Variants in FRYL observed in about 807,000 individuals in gnomAD.
The protein encoded by FRYL is FRY like transcription coactivator.
A neutral mutation model predicts 351.2 loss-of-function variants in FRYL; 150 were observed. The observed-to-expected ratio is 0.43, with a 90% CI of 0.37 to 0.49. The LOEUF is 0.49. Ranked by LOEUF, FRYL falls within the 20% of genes least tolerant of loss-of-function variation. FRYL has a pLI of 0.00. For synonymous variants in FRYL, 1,153 were observed against 1,257.1 expected, an observed-to-expected ratio of 0.92 and a Z score of 1.75; for missense variants, 3,036 against 3,619.3, an observed-to-expected ratio of 0.84 and a Z score of 4.13.
chr4:48,560,818 TA>T (rs1215091096), intron 33 of FRYL, among the ~76,000 whole-genome samples: 1 of 152,166 alleles, frequency 6.6e-6, no homozygotes, highest in Non-Finnish European at 1.5e-5. Flanking sequence ...GGATGGGAAA[TA>T]AACTATTTCT....
chr4:48,537,733 T>C (rs958893358), intron 47 of FRYL, among the ~76,000 whole-genome samples: 3 of 152,176 alleles, frequency 2.0e-5, no homozygotes, highest in African/African-American at 7.2e-5. Flanking sequence ...GGAATTTCCA[T>C]GGCCCTACTG....
At position 48,605,791 on chromosome 4, in the gene FRYL, T is replaced by A; in HGVS notation, c.784A>T (p.Lys262Ter). ...ACAAATAAACCAGCAAGTGCATGTT[T>A]TATATCTTTATCTTTCACTTCTAAG... ...YFLEVKDKDI[K>*]HALAGLFVEI... The change falls in exon 11 of 64, where the codon AAA becomes TAA. Residue 262 changes from lysine (K) to a stop codon, truncating the protein, a stop_gained. Transcript: ENST00000358350. LOFTEE classifies it high-confidence loss of function. 1 of 1,608,630 alleles carries A rather than the reference T, an allele frequency of 6.2e-7. No individual in the cohort carries two copies. Among genetic ancestry groups the A allele is most frequent in the Non-Finnish European group, 8.5e-7 (1 of 1,175,576 alleles).
chr4:48,633,832 A>C (rs1753724669), intron 4 of FRYL, among the ~76,000 whole-genome samples: 2 of 152,128 alleles, frequency 1.3e-5, no homozygotes, highest in Non-Finnish European at 1.5e-5. Context: ...TTGTTCAACC[A>C]CCATATTATC....
chr4:48,544,343 A>G lies in FRYL; in HGVS notation c.5402-346T>C, dbSNP rs534189107. Reference sequence around the variant, plus strand: ...AGTAGTAACCCCTTGCCCCCAACCCATAACGGTGACACTGTCTCTAGACAT... The same window carrying G: ...AGTAGTAACCCCTTGCCCCCAACCCGTAACGGTGACACTGTCTCTAGACAT... On this transcript the variant is annotated intron_variant, in intron 43 of 63. Transcript: ENST00000358350. Among the ~76,000 whole-genome samples, 13 of 152,224 alleles carry G rather than the reference A, an allele frequency of 8.5e-5. No individual in the cohort carries two copies. In the South Asian group the frequency reaches 2.7e-3, roughly 32 times the overall value.
intron 4 of FRYL, among the ~76,000 whole-genome samples, chr4:48,623,383 T>A (rs1420317455): frequency 1.3e-5 from 2 of 152,166 alleles, no homozygotes; most frequent in Non-Finnish European, 2.9e-5. Flanking sequence ...GAGGCAAGGC[T>A]CTCACTGTGA....
intron 8 of FRYL, 134 bp from the exon 9 acceptor site, chr4:48,609,201 T>C (rs1747518638): frequency 1.6e-6 from 1 of 620,492 alleles, no homozygotes; most frequent in East Asian, 2.9e-5. Flanking sequence ...ATAAAAGCAA[T>C]ACTAATTTTA....
chr4:48,731,088 A>T (rs1256400443), intron 1 of FRYL, among the ~76,000 whole-genome samples: 1 of 152,216 alleles, frequency 6.6e-6, no homozygotes, highest in African/African-American at 2.4e-5. Flanking sequence ...CTGATAAAAC[A>T]GACTTTAAAC....
intron 1 of FRYL, among the ~76,000 whole-genome samples, chr4:48,732,606 A>G (rs1350130059): frequency 6.6e-6 from 1 of 152,170 alleles, no homozygotes; most frequent in East Asian, 1.9e-4. Flanking sequence ...ATAAAAAAGG[A>G]TGAGTTCATG....
intron 4 of FRYL, among the ~76,000 whole-genome samples, chr4:48,631,139 G>T (rs1752883129): frequency 6.6e-6 from 1 of 152,148 alleles, no homozygotes; most frequent in Admixed American, 6.5e-5. Context: ...TAGATAAGAA[G>T]AAATTATCTT....
At chr4:48,519,044 T>G (rs1724310970) in intron 55 of FRYL, among the ~76,000 whole-genome samples, 1 of 152,238 alleles carries the variant, frequency 6.6e-6, no homozygotes, top group Non-Finnish European at 1.5e-5. Context: ...CATCTTGGCA[T>G]CTGGTACAGT....
intron 7 of FRYL, among the ~76,000 whole-genome samples, chr4:48,612,303 C>A (rs551333105): frequency 6.6e-6 from 1 of 151,930 alleles, no homozygotes; most frequent in Non-Finnish European, 1.5e-5. Context: ...CATGTGCATT[C>A]GTAATAAACC....
At chr4:48,554,247 GA>G in intron 35 of FRYL, among the ~76,000 whole-genome samples, 1 of 152,138 alleles carries the variant, frequency 6.6e-6, no homozygotes, top group East Asian at 1.9e-4. Flanking sequence ...TCCAGAATCA[GA>G]ATGATTCGTA....
chr4:48,726,726 T>C (rs1217634111), intron 1 of FRYL, among the ~76,000 whole-genome samples: 2 of 152,118 alleles, frequency 1.3e-5, no homozygotes, highest in Non-Finnish European at 2.9e-5. Flanking sequence ...CAGATGCATT[T>C]AATTGTTGGG....
chr4:48,632,091 AATATATATATATATATATATATAT>A (rs1560753223), intron 4 of FRYL, among the ~76,000 whole-genome samples: 19 of 23,396 alleles, frequency 8.1e-4, no homozygotes, highest in East Asian at 2.0e-3. Context: ...AAAAAAAAAA[AATATATATATATATATATATATAT>A]ATATATATAT....
At chr4:48,743,356 A>C (rs1373644137) in intron 1 of FRYL, among the ~76,000 whole-genome samples, 1 of 152,158 alleles carries the variant, frequency 6.6e-6, no homozygotes, top group Non-Finnish European at 1.5e-5. Context: ...CTTAGAGATG[A>C]CTTAGCTTGT....
At chr4:48,637,263 C>T (rs1224722089) in intron 3 of FRYL, 7 of 152,014 alleles carry the variant, frequency 4.6e-5, no homozygotes, top group Admixed American at 4.6e-4. Flanking sequence ...TAACATTTTT[C>T]ATCCATCAAA....
chr4:48,685,362 T>C (rs1765042644), intron 2 of FRYL, among the ~76,000 whole-genome samples: 2 of 152,220 alleles, frequency 1.3e-5, no homozygotes, highest in Non-Finnish European at 2.9e-5. Context: ...ATTGTGACCA[T>C]ATCTCTTAAA....
chr4:48,567,289 T>C lies in FRYL; in HGVS notation c.3128A>G (p.His1043Arg). 2 of 1,612,030 alleles carry C rather than the reference T, an allele frequency of 1.2e-6. No homozygotes were observed. Among genetic ancestry groups the C allele is most frequent in the Non-Finnish European group, 1.7e-6 (2 of 1,179,400 alleles). Residue 1043 changes from histidine (H) to arginine (R), a missense_variant, in exon 28 of 64, where the codon CAT (histidine) becomes CGT (arginine). Physicochemically the swap from His to Arg is conservative, Grantham distance 29. This residue lies in a region of FRYL where 492 missense variants were observed against 551.5 expected (regional missense o/e 0.89). Coordinates refer to ENST00000358350, the MANE Select transcript of FRYL (RefSeq NM_015030.2). The surrounding 1 kb of genome is among the most constrained non-coding windows in gnomAD (Gnocchi z 4.2). ...AATATTCGCCACTAAGGCACTAAAA[T>C]GGCATCGTATATCCTTCAGTGTGTC... ...DSDTLKDIRCHFSALVANIIQ... is the reference protein window; with the variant it reads ...DSDTLKDIRCRFSALVANIIQ...
chr4:48,698,822 T>C lies in FRYL; in HGVS notation c.-204+11697A>G, dbSNP rs1578756509. ...CCACCCCCACCCCAACCCCCACAAA[T>C]AGGCTTTATTCTCCACAGTGGTTAA... On this transcript the variant is annotated intron_variant, in intron 2 of 63. Transcript: ENST00000358350. Among the ~76,000 whole-genome samples the C allele has an allele frequency of 4.3e-5, 6 of 138,724 alleles. No homozygotes were observed. The South Asian group carries it at 1.2e-3, about 28-fold the overall frequency. 91.0% of individuals were successfully genotyped at this position (138,724 alleles called of 152,430 possible).
Sources: gnomAD v4.1 joint callset for allele counts (sites outside exome capture counted in the v4.1 genomes callset) on GRCh38, gnomAD v4.1.1 for gene constraint, gnomAD v4.1.1 regional missense constraint, Gnocchi (gnomAD v3.1) non-coding constraint, MANE v1.5 for transcripts, NCBI Gene and HGNC (gene_info 2026-07-23, HGNC 2026-07-21) for gene names.